RAMP1: variants seen among roughly 807,000 people sequenced by gnomAD.
RAMP1 encodes the protein receptor activity modifying protein 1, also known as receptor activity-modifying protein 1.
A neutral mutation model predicts 8.2 loss-of-function variants in RAMP1; 7 were observed. That is an observed-to-expected ratio of 0.85 (90% CI 0.49 to 1.60). The LOEUF is 1.60. Among genes scored for constraint, RAMP1 ranks in the 40% most tolerant of loss-of-function variants. RAMP1 has a pLI of 0.00. For synonymous variants in RAMP1, 92 were observed against 84.7 expected, an observed-to-expected ratio of 1.09 and a Z score of -0.47; for missense variants, 192 against 202.4, an observed-to-expected ratio of 0.95 and a Z score of 0.31.
chr2:237,867,047 T>G (rs2062194490), intron 1 of RAMP1, among the ~76,000 whole-genome samples: 1 of 152,056 alleles, frequency 6.6e-6, no homozygotes, highest in Admixed American at 6.5e-5. Flanking sequence ...ATTCTTATAA[T>G]GAAGTAAGCT....
At chr2:237,905,116 G>C (rs1302083704) in intron 2 of RAMP1, among the ~76,000 whole-genome samples, 2 of 152,212 alleles carry the variant, frequency 1.3e-5, no homozygotes, top group Non-Finnish European at 2.9e-5. Context: ...CCCCAGAATA[G>C]AAGGTCCTAG....
At chr2:237,896,707 A>G (rs1029783956) in intron 2 of RAMP1, among the ~76,000 whole-genome samples, 1 of 152,224 alleles carries the variant, frequency 6.6e-6, no homozygotes. Context: ...ATGCAGTTGC[A>G]TGATCTTAGC....
intron 2 of RAMP1, among the ~76,000 whole-genome samples, chr2:237,904,468 TGTG>T (rs1243065660): frequency 2.0e-5 from 3 of 150,592 alleles, no homozygotes; most frequent in East Asian, 2.0e-4. Flanking sequence ...GTTAGCCAGG[TGTG>T]GTGGTGCACG....
chr2:237,911,488 C>A (rs199624790), intron 2 of RAMP1, 40 bp from the exon 3 acceptor site: 1 of 1,604,574 alleles, frequency 6.2e-7, no homozygotes, highest in Non-Finnish European at 8.5e-7. Flanking sequence ...TTGGATCCCC[C>A]GCCTGCCCAG....
rs992853913 is a variant in RAMP1, at chr2:237,877,728, C to G, written c.191+366C>G. ...GACTGGAGCCTGGCTTCAGGGACGT[C>G]CCTGCTGATTCCCTCTGTCCCTGTG... On this transcript the variant is annotated intron_variant, in intron 2 of 2. Coordinates refer to ENST00000254661, the MANE Select transcript of RAMP1 (RefSeq NM_005855.4). This position sits in a 1 kb window ranked among gnomAD's most constrained non-coding sequence, Gnocchi z 4.4. Among the ~76,000 whole-genome samples the G allele has an allele frequency of 2.6e-5, 4 of 152,160 alleles. No individual in the cohort carries two copies. Among genetic ancestry groups the G allele is most frequent in the Non-Finnish European group, 4.4e-5 (3 of 68,008 alleles).
rs2062182623 is a variant in RAMP1 at position 237,865,852 on chromosome 2, G to A, written c.52+6125G>A. Among the ~76,000 whole-genome samples, 1 of 152,184 alleles carries A rather than the reference G, an allele frequency of 6.6e-6. No individual in the cohort carries two copies. The highest frequency in any genetic ancestry group is 6.5e-5 in the Admixed American group (1 of 15,290). ...TGGGCACCTTGACATGATTGGTGGT[G>A]GAGGGAGGCAGATGGCAGGGTCCTT... On this transcript the variant is annotated intron_variant, in intron 1 of 2. Transcript: ENST00000254661. The surrounding 1 kb of genome is among the most constrained non-coding windows in gnomAD (Gnocchi z 4.2).
At chr2:237,908,657 T>C (rs13013232) in intron 2 of RAMP1, among the ~76,000 whole-genome samples, 75,761 of 151,988 alleles carry the variant, frequency 0.5, 21,327 homozygotes, top group African/African-American at 0.78. Context: ...AGGCTGGTCT[T>C]GAACTCCTGA....
At chr2:237,909,195 A>G (rs2151024485) in intron 2 of RAMP1, among the ~76,000 whole-genome samples, 1 of 152,228 alleles carries the variant, frequency 6.6e-6, no homozygotes, top group Non-Finnish European at 1.5e-5. Context: ...AGATCTGGCC[A>G]CCGAGGGCGA....
At chr2:237,882,885 C>G (rs2062385604) in intron 2 of RAMP1, among the ~76,000 whole-genome samples, 1 of 151,602 alleles carries the variant, frequency 6.6e-6, no homozygotes, top group South Asian at 2.1e-4. Flanking sequence ...CAAAGTGAGG[C>G]TGACCGGCAG....
rs1340345301 is a variant in RAMP1 at position 237,865,392 on chromosome 2, C to G, written c.52+5665C>G. Among the ~76,000 whole-genome samples, 1 of 151,682 alleles carries G rather than the reference C, an allele frequency of 6.6e-6. No individual in the cohort carries two copies. Among genetic ancestry groups the G allele is most frequent in the East Asian group, 1.9e-4 (1 of 5,136 alleles). On this transcript the variant is annotated intron_variant, in intron 1 of 2. Coordinates refer to ENST00000254661, the MANE Select transcript of RAMP1 (RefSeq NM_005855.4). The surrounding 1 kb of genome is among the most constrained non-coding windows in gnomAD (Gnocchi z 4.2). ...GGGGAGGGGAGATGACACCCCAGGC[C>G]ACAGCCAGGGCTGCCAGGAAACATG... is the stretch of plus-strand genomic sequence containing the variant.
intron 2 of RAMP1, among the ~76,000 whole-genome samples, chr2:237,886,062 A>G (rs302670): frequency 0.71 from 108,514 of 152,092 alleles, 38,757 homozygotes; most frequent in Non-Finnish European, 0.74. Context: ...CAGTGACACC[A>G]GTCTGGCTCC....
rs369928837 is a variant in RAMP1, at chr2:237,877,155, C to A, written c.53-69C>A. The A allele has an allele frequency of 3.7e-6, 6 of 1,603,214 alleles. No homozygotes were observed. The highest frequency in any genetic ancestry group is 1.7e-5 in the Admixed American group (1 of 59,830). ...GTGGAGTCCGGGCTGCAGGGGCGCGCGGGCTGGCGGTGATACCCCTAGGCC... is the reference window on the plus strand; with the variant it reads ...GTGGAGTCCGGGCTGCAGGGGCGCGAGGGCTGGCGGTGATACCCCTAGGCC... On this transcript the variant is annotated intron_variant, in intron 1 of 2. Transcript: ENST00000254661. The surrounding 1 kb of genome is among the most constrained non-coding windows in gnomAD (Gnocchi z 4.4).
chr2:237,873,731 C>T (rs1464363079), intron 1 of RAMP1, among the ~76,000 whole-genome samples: 1 of 152,182 alleles, frequency 6.6e-6, no homozygotes, highest in Non-Finnish European at 1.5e-5. Flanking sequence ...CCCATTTGGC[C>T]CTGAATGGCT....
intron 2 of RAMP1, among the ~76,000 whole-genome samples, chr2:237,897,839 C>A (rs1051297760): frequency 7.9e-5 from 12 of 151,760 alleles, no homozygotes; most frequent in African/African-American, 2.2e-4. Flanking sequence ...CGCTCTTTCT[C>A]CCAGGCTGGA....
chr2:237,859,659 C>G lies in RAMP1; in HGVS notation c.-17C>G, dbSNP rs1289982217. 3.4e-6 allele frequency: 5 copies of G among 1,468,114 alleles called. No individual in the cohort carries two copies. The South Asian group carries it at 5.3e-5, about 16-fold the overall frequency. The allele number at this position is 1,468,114 out of a possible 1,614,324, so 90.9% of individuals were successfully genotyped here. A position where few individuals can be genotyped will look rare whatever the true frequency, so the allele number is the denominator to read the frequency against. ...GGGCGCGTGGCGAGCGGACTCGACTCGGCACCGCTGTGCACCATGGCCCGG... is the reference window on the plus strand; with the variant it reads ...GGGCGCGTGGCGAGCGGACTCGACTGGGCACCGCTGTGCACCATGGCCCGG... On this transcript the variant is annotated 5_prime_UTR_variant, in exon 1 of 3. Transcript: ENST00000254661.
chr2:237,900,794 G>A (rs997798438), intron 2 of RAMP1, among the ~76,000 whole-genome samples: 1 of 151,576 alleles, frequency 6.6e-6, no homozygotes, highest in Non-Finnish European at 1.5e-5. Context: ...CTAATTTTTA[G>A]TTTTCAGTAT....
rs145392685 is a variant in RAMP1 at position 237,911,680 on chromosome 2, C to G, written c.344C>G (p.Pro115Arg). 8 of 1,613,316 alleles carry G rather than the reference C, an allele frequency of 5.0e-6. No individual in the cohort carries two copies. Among genetic ancestry groups the G allele is most frequent in the Admixed American group, 1.7e-5 (1 of 59,994 alleles). The change falls in exon 3 of 3, where the codon CCC (proline) becomes CGC (arginine). Residue 115 changes from proline (P) to arginine (R), a missense_variant. Coordinates refer to ENST00000254661, the MANE Select transcript of RAMP1 (RefSeq NM_005855.4). ...TCAGGCAGGGCCGTGCGGGACCCGC[C>G]CGGCAGCATCCTCTACCCCTTCATC... ...PISGRAVRDP[P>R]GSILYPFIVV...
chr2:237,888,482 T>A (rs2062457605), intron 2 of RAMP1, among the ~76,000 whole-genome samples: 1 of 149,728 alleles, frequency 6.7e-6, no homozygotes. Flanking sequence ...GTAGGGATTT[T>A]ATTTTTGCAG....
chr2:237,866,774 G>C (rs556081842), intron 1 of RAMP1, among the ~76,000 whole-genome samples: 1 of 151,208 alleles, frequency 6.6e-6, no homozygotes. Context: ...TTTTGCCCAG[G>C]CTGTAGTACA....
Sources: gnomAD v4.1 joint callset for allele counts (sites outside exome capture counted in the v4.1 genomes callset) on GRCh38, gnomAD v4.1.1 for gene constraint, Gnocchi (gnomAD v3.1) non-coding constraint, MANE v1.5 for transcripts, NCBI Gene and HGNC (gene_info 2026-07-23, HGNC 2026-07-21) for gene names.